The following CDH13 variants were observed in gnomAD, a reference collection of about 807,000 sequenced individuals.
CDH13 encodes cadherin 13, also known as cadherin-13.
A neutral mutation model predicts 63.8 loss-of-function variants in CDH13; 24 were observed. The observed-to-expected ratio is 0.38, with a 90% CI of 0.27 to 0.53. The LOEUF is 0.53. CDH13 is among the 20% of genes least tolerant of loss of function. CDH13 has a pLI of 0.85. For missense variants in CDH13, 1,049 were observed against 903.1 expected (o/e 1.16, Z -2.07); for synonymous variants, 503 against 355.3 (o/e 1.42, Z -4.67).
At chr16:82,696,492 C>T (rs757071304) in intron 1 of CDH13, among the ~76,000 whole-genome samples, 13 of 152,122 alleles carry the variant, frequency 8.5e-5, no homozygotes, top group Non-Finnish European at 1.5e-4. Context: ...GACAGCTTTG[C>T]AGTTAAGTTC....
chr16:83,151,037 T>TAC (rs576573150), intron 4 of CDH13, among the ~76,000 whole-genome samples: 171 of 152,288 alleles, frequency 1.1e-3, no homozygotes, highest in African/African-American at 4.0e-3. Context: ...ATATAGTAGG[T>TAC]GTGTACATTT....
rs138437368 is a variant in CDH13, at chr16:83,708,712, C to T, written c.1538+30251C>T. 1.6e-4 allele frequency among the ~76,000 whole-genome samples: 25 copies of T among 152,280 alleles called. No homozygotes were observed. The East Asian group carries it at 4.8e-3, about 29-fold the overall frequency. ...TAGATCATCAGGATACACCCATTTTCACCATAAAAGTCCTTATAAGAAGGA... is the reference window on the plus strand; with the variant it reads ...TAGATCATCAGGATACACCCATTTTTACCATAAAAGTCCTTATAAGAAGGA... On this transcript the variant is annotated intron_variant, in intron 10 of 13. Transcript: ENST00000567109.
chr16:83,475,756 T>A (rs1225240330), intron 6 of CDH13, among the ~76,000 whole-genome samples: 1 of 152,134 alleles, frequency 6.6e-6, no homozygotes, highest in Non-Finnish European at 1.5e-5. Context: ...TAAATTTGTT[T>A]GCATTTTTAG....
chr16:83,559,923 C>G (rs1705836316), intron 7 of CDH13, among the ~76,000 whole-genome samples: 1 of 152,092 alleles, frequency 6.6e-6, no homozygotes, highest in Non-Finnish European at 1.5e-5. Context: ...AAGATTAAAT[C>G]AGATCAAACA....
intron 1 of CDH13, among the ~76,000 whole-genome samples, chr16:82,852,063 C>A (rs556704245): frequency 2.0e-5 from 3 of 152,310 alleles, no homozygotes; most frequent in East Asian, 1.9e-4. Flanking sequence ...AAAATACCTT[C>A]TTGGAGCTGG....
chr16:83,336,637 T>G (rs2090604017), intron 5 of CDH13, among the ~76,000 whole-genome samples: 2 of 152,228 alleles, frequency 1.3e-5, no homozygotes, highest in African/African-American at 2.4e-5. Context: ...TTGAACTATA[T>G]CATCTCAAAA....
chr16:83,371,204 C>T (rs2091360517), intron 6 of CDH13, among the ~76,000 whole-genome samples: 1 of 152,214 alleles, frequency 6.6e-6, no homozygotes, highest in Non-Finnish European at 1.5e-5. Context: ...AAATATAAAT[C>T]ATTCTGCCAT....
intron 10 of CDH13, among the ~76,000 whole-genome samples, chr16:83,681,610 C>T (rs941721926): frequency 2.2e-4 from 33 of 152,138 alleles, no homozygotes; most frequent in African/African-American, 6.0e-4. Flanking sequence ...TCTCTTTCTT[C>T]CCCTCCACCC....
intron 2 of CDH13, among the ~76,000 whole-genome samples, chr16:82,888,210 A>T (rs76584076): frequency 6.6e-6 from 1 of 152,230 alleles, no homozygotes; most frequent in East Asian, 1.9e-4. Flanking sequence ...ACCTTGCCAT[A>T]GAAAGGCAAA....
chr16:82,652,403 T>C (rs1331506109), intron 1 of CDH13, among the ~76,000 whole-genome samples: 2 of 152,254 alleles, frequency 1.3e-5, no homozygotes, highest in African/African-American at 2.4e-5. Flanking sequence ...CCTCTCGTTA[T>C]ATATCTTCTA....
At chr16:82,655,087 C>T (rs1305565114) in intron 1 of CDH13, among the ~76,000 whole-genome samples, 1 of 152,198 alleles carries the variant, frequency 6.6e-6, no homozygotes, top group African/African-American at 2.4e-5. Context: ...CCCTGCCTTT[C>T]CCATTGTATC....
In CDH13 at chr16:82,753,339, A is replaced by G. The variant is rs78298643; in HGVS notation, c.46-105023A>G. On this transcript the variant is annotated intron_variant, in intron 1 of 13. Transcript: ENST00000567109. ...AATATGCATATCTGTCCTTGGCTTC[A>G]TTTTCCTCCTACCTCTTCAGACATC... Among the ~76,000 whole-genome samples the G allele has an allele frequency of 4.3e-3, 649 of 152,130 alleles. 4 individuals carry two copies. The highest frequency in any genetic ancestry group is 0.017 in the Middle Eastern group (5 of 294).
intron 3 of CDH13, among the ~76,000 whole-genome samples, chr16:83,096,171 T>C (rs999236160): frequency 2.6e-5 from 4 of 152,176 alleles, no homozygotes; most frequent in African/African-American, 2.4e-5. Flanking sequence ...CCAGCTATCA[T>C]TGCGTACCAG....
chr16:83,177,211 C>T (rs775012768), intron 4 of CDH13, among the ~76,000 whole-genome samples: 9 of 152,194 alleles, frequency 5.9e-5, no homozygotes, highest in Non-Finnish European at 1.3e-4. Flanking sequence ...GACTCAAATA[C>T]TCAGATCTTT....
chr16:83,068,505 T>C (rs1277034104), intron 3 of CDH13, among the ~76,000 whole-genome samples: 1 of 152,186 alleles, frequency 6.6e-6, no homozygotes, highest in Non-Finnish European at 1.5e-5. Context: ...CTGTATGCGG[T>C]ACAATTCTCA....
chr16:82,699,777 A>G (rs2150988734), intron 1 of CDH13, among the ~76,000 whole-genome samples: 1 of 152,334 alleles, frequency 6.6e-6, no homozygotes, highest in Non-Finnish European at 1.5e-5. Context: ...TATTAAGATA[A>G]TCTCTTTTGT....
intron 6 of CDH13, among the ~76,000 whole-genome samples, chr16:83,353,023 T>C (rs1054835866): frequency 6.6e-6 from 1 of 152,212 alleles, no homozygotes. Context: ...AAATCATGTG[T>C]ACACATGGAC....
chr16:82,643,582 A>G lies in CDH13; in HGVS notation c.45+16445A>G, dbSNP rs74577741. The stretch of plus-strand genomic sequence containing the variant: ...TTGGAACTGCAGGTCACCTTGGCCT[A>G]TTGGAAATAAAGCAAGGGTTCTTCA... On this transcript the variant is annotated intron_variant, in intron 1 of 13. Coordinates refer to ENST00000567109, the MANE Select transcript of CDH13 (RefSeq NM_001257.5). Among the ~76,000 whole-genome samples the G allele has an allele frequency of 7.6e-4, 116 of 152,356 alleles. 1 individual carries two copies. Among genetic ancestry groups the G allele is most frequent in the African/African-American group, 2.7e-3 (113 of 41,580 alleles).
At position 82,673,162 on chromosome 16, in the gene CDH13, C is replaced by A. The variant is rs145829588; in HGVS notation, c.45+46025C>A. On this transcript the variant is annotated intron_variant, in intron 1 of 13. Coordinates refer to ENST00000567109, the MANE Select transcript of CDH13 (RefSeq NM_001257.5). ...CAGCCCCAGGAAACATGTTTTATTT[C>A]TTGTGCCCCCATCAGTGTTCGACGA... Among the ~76,000 whole-genome samples, 618 of 151,984 alleles carry A rather than the reference C, an allele frequency of 4.1e-3. 10 individuals are homozygous for A. The highest frequency in any genetic ancestry group is 5.2e-3 in the Non-Finnish European group (352 of 67,954).
Sources: allele counts gnomAD v4.1 joint callset (sites outside exome capture counted in the v4.1 genomes callset), GRCh38; gene constraint gnomAD v4.1.1; transcripts MANE v1.5; gene names NCBI Gene and HGNC (gene_info 2026-07-23, HGNC 2026-07-21).